The following IFT46 variants were observed in gnomAD, a reference collection of about 807,000 sequenced individuals.
IFT46 encodes the protein intraflagellar transport 46.
In IFT46, 19 loss-of-function variants were observed where a neutral mutation model predicts 39.6. The ratio of observed to expected loss-of-function variants is 0.48; its 90% CI spans 0.33 to 0.70. The LOEUF (loss-of-function observed/expected upper bound fraction) is 0.70, where lower values mean the gene tolerates loss of function less well. Ranked by LOEUF, IFT46 falls within the 30% of genes least tolerant of loss-of-function variation. The pLI is 0.01. For missense variants in IFT46, 334 were observed against 364.8 expected, an observed-to-expected ratio of 0.92 and a Z score of 0.69; for synonymous variants, 117 against 134.8, an observed-to-expected ratio of 0.87 and a Z score of 0.91.
At chr11:118,567,155 G>T (rs1408212291), upstream of IFT46, among the ~76,000 whole-genome samples, 3 of 152,204 alleles carry the variant, frequency 2.0e-5, no homozygotes, top group Non-Finnish European at 4.4e-5. Flanking sequence ...TCGGGAGGCT[G>T]AGGCGGGGGG....
chr11:118,567,449 G>T (rs185894056), upstream of IFT46, among the ~76,000 whole-genome samples: 2 of 151,696 alleles, frequency 1.3e-5, no homozygotes, highest in Admixed American at 1.3e-4. Flanking sequence ...GGTGGCGCGC[G>T]CCTGTAATCC....
chr11:118,571,832 G>A (rs1197549098), intron 1 of IFT46, among the ~76,000 whole-genome samples: 1 of 152,166 alleles, frequency 6.6e-6, no homozygotes, highest in African/African-American at 2.4e-5. Context: ...GCTGACGCCT[G>A]TAATCCCAAC....
upstream of IFT46, among the ~76,000 whole-genome samples, chr11:118,576,251 T>C (rs938304322): frequency 6.6e-6 from 1 of 151,778 alleles, no homozygotes; most frequent in Non-Finnish European, 1.5e-5. Flanking sequence ...ACTCAAACCA[T>C]GTAAGAATTA....
chr11:118,551,690 A>AAAG, intron 9 of IFT46, 96 bp downstream of exon 9: 1 of 840,834 alleles, frequency 1.2e-6, no homozygotes, highest in South Asian at 1.6e-5. Flanking sequence ...AAAAAAAAAA[A>AAAG]GTTACCAATA....
intron 3 of IFT46, chr11:118,557,303 C>T (rs1304930608): frequency 2.4e-6 from 1 of 423,862 alleles, no homozygotes; most frequent in Non-Finnish European, 4.1e-6. Context: ...ATCTATTGTA[C>T]ATATTACTTA....
chr11:118,550,437 T>C (rs1951783780), intron 9 of IFT46, among the ~76,000 whole-genome samples: 1 of 152,226 alleles, frequency 6.6e-6, no homozygotes, highest in Non-Finnish European at 1.5e-5. Context: ...TTTTATTATA[T>C]TACTTACATG....
Position 118,560,732 on chromosome 11 carries a change from A to C in IFT46, c.-35-868T>G, listed in dbSNP as rs1413162434. On this transcript the variant is annotated intron_variant, in intron 2 of 11. Transcript: ENST00000264021. ...TGTTAAGAATAAAGCCTACTTTAAG[A>C]GATACCAAGTGAAATTTAGAAGACG... 5 of 668,938 alleles carry C rather than the reference A, an allele frequency of 7.5e-6. No homozygotes were observed. In the African/African-American group the frequency reaches 8.9e-5, roughly 12 times the overall value. The allele number at this position is 668,938 out of a possible 1,614,324, so 41.4% of individuals were successfully genotyped here. A position where few individuals can be genotyped will look rare whatever the true frequency, so the allele number is the denominator to read the frequency against.
At chr11:118,571,852 CT>C (rs1188695941) in intron 1 of IFT46, among the ~76,000 whole-genome samples, 1 of 152,156 alleles carries the variant, frequency 6.6e-6, no homozygotes, top group Non-Finnish European at 1.5e-5. Context: ...CATTGGGAGG[CT>C]GAGGCGGGCG....
chr11:118,548,251 A>T (rs1342163410), intron 9 of IFT46, among the ~76,000 whole-genome samples: 1 of 150,930 alleles, frequency 6.6e-6, no homozygotes, highest in African/African-American at 2.5e-5. Flanking sequence ...TTACATACAT[A>T]TATAAAATAT....
intron 2 of IFT46, chr11:118,561,308 A>G (rs1229347039): frequency 4.5e-6 from 5 of 1,104,186 alleles, no homozygotes; most frequent in East Asian, 2.3e-5. Context: ...TGCAGATTAC[A>G]TGCACTACTT....
intron 1 of IFT46, among the ~76,000 whole-genome samples, chr11:118,572,031 A>C (rs1464837810): frequency 6.6e-6 from 1 of 150,634 alleles, no homozygotes; most frequent in Non-Finnish European, 1.5e-5. Flanking sequence ...TGGAGGTTGC[A>C]GTGAGCCGAG....
At chr11:118,548,529 T>A (rs1377021168) in intron 9 of IFT46, among the ~76,000 whole-genome samples, 1 of 151,152 alleles carries the variant, frequency 6.6e-6, no homozygotes, top group Non-Finnish European at 1.5e-5. Flanking sequence ...CATGCCTGGC[T>A]AATTTTTGTA....
chr11:118,566,314 A>C (rs559768812), upstream of IFT46, among the ~76,000 whole-genome samples: 144 of 152,224 alleles, frequency 9.5e-4, no homozygotes, highest in African/African-American at 3.3e-3. Flanking sequence ...ACTATATTAC[A>C]CTATAGTCTT....
At chr11:118,549,946 T>C (rs1951776387) in intron 9 of IFT46, among the ~76,000 whole-genome samples, 2 of 147,416 alleles carry the variant, frequency 1.4e-5, no homozygotes, top group Admixed American at 1.4e-4. Flanking sequence ...TTTTTTGAGA[T>C]GGAGTCTCGC....
intron 9 of IFT46, among the ~76,000 whole-genome samples, chr11:118,548,537 G>A (rs1951750111): frequency 1.3e-5 from 2 of 150,930 alleles, no homozygotes; most frequent in Admixed American, 6.6e-5. Context: ...GCTAATTTTT[G>A]TATTTTTAGT....
chr11:118,576,833 A>G (rs544079707), upstream of IFT46, among the ~76,000 whole-genome samples: 156 of 152,138 alleles, frequency 1.0e-3, 1 homozygote, highest in African/African-American at 3.7e-3. Context: ...TAATGGAATG[A>G]CTCAAAGAGA....
rs1951636307 is a variant in IFT46 at position 118,544,849 on chromosome 11, C to T, written c.*67G>A. ...GGCAAGGACATCAAGTAGCTGACAA[C>T]GATCTGTCCATCTCAGCTGGGGCAG... On this transcript the variant is annotated 3_prime_UTR_variant, in exon 12 of 12. Transcript: ENST00000264021. The T allele has an allele frequency of 1.5e-5, 17 of 1,135,476 alleles. 1 individual carries two copies. The highest frequency in any genetic ancestry group is 7.7e-5 in the South Asian group (6 of 77,960). The allele number at this position is 1,135,476 out of a possible 1,614,324, so 70.3% of individuals were successfully genotyped here. A position where few individuals can be genotyped will look rare whatever the true frequency, so the allele number is the denominator to read the frequency against.
In IFT46 at chr11:118,557,025, C is replaced by T; in HGVS notation, c.66G>A (p.Gln22=). The T allele has an allele frequency of 6.2e-7, 1 of 1,606,528 alleles. No homozygotes were observed. The highest frequency in any genetic ancestry group is 8.5e-7 in the Non-Finnish European group (1 of 1,176,970). Residue 22 remains glutamine (Q), a synonymous_variant, in exon 4 of 12, where the codon CAG becomes CAA. Transcript: ENST00000264021. ...CACTAAAGCCCCGTTGAGGTGTCAA[C>T]TGTGAGGTCTTCTTCTTCTCCTGTG... ...ENNKEKKKTS[Q]LTPQRGFSEN...
intron 3 of IFT46, among the ~76,000 whole-genome samples, chr11:118,558,538 C>A (rs574482897): frequency 6.6e-6 from 1 of 150,472 alleles, no homozygotes; most frequent in African/African-American, 2.5e-5. Context: ...GAGGTTGCAG[C>A]GAGCTGAGGT....
Sources: gnomAD v4.1 joint callset for allele counts (sites outside exome capture counted in the v4.1 genomes callset) on GRCh38, gnomAD v4.1.1 for gene constraint, MANE v1.5 for transcripts, NCBI Gene and HGNC (gene_info 2026-07-23, HGNC 2026-07-21) for gene names.